Variants in KCNT2 observed in about 807,000 individuals in gnomAD.
KCNT2 encodes the protein potassium channel subfamily T member 2.
A neutral mutation model predicts 153.8 loss-of-function variants in KCNT2; 67 were observed. The ratio of observed to expected loss-of-function variants is 0.44; its 90% confidence interval spans 0.36 to 0.53. The LOEUF (loss-of-function observed/expected upper bound fraction) is 0.53, where lower values mean the gene tolerates loss of function less well. Ranked by LOEUF, KCNT2 falls within the 20% of genes least tolerant of loss-of-function variation. KCNT2 has a pLI of 0.00. For synonymous variants in KCNT2, 500 were observed against 458.8 expected, an observed-to-expected ratio of 1.09 and a Z score of -1.15; for missense variants, 975 against 1,354.8, an observed-to-expected ratio of 0.72 and a Z score of 4.40.
intron 12 of KCNT2, 80 bp downstream of exon 12, chr1:196,422,970 C>A (rs927708331): frequency 1.5e-5 from 13 of 866,050 alleles, no homozygotes; most frequent in Admixed American, 1.5e-4. Context: ...TTAATGCTGG[C>A]GAATTTTTAA....
intron 1 of KCNT2, among the ~76,000 whole-genome samples, chr1:196,566,009 A>G (rs1441025623): frequency 6.6e-6 from 1 of 151,984 alleles, no homozygotes; most frequent in Non-Finnish European, 1.5e-5. Context: ...ATGAGATTAT[A>G]TATGCTAATT....
chr1:196,250,638 A>T (rs1290256264), intron 26 of KCNT2, among the ~76,000 whole-genome samples: 9 of 152,158 alleles, frequency 5.9e-5, no homozygotes, highest in Admixed American at 3.3e-4. Flanking sequence ...ACATCAAGTT[A>T]AAAAGCTTAT....
chr1:196,410,073 C>T (rs926337008), intron 12 of KCNT2, among the ~76,000 whole-genome samples: 2 of 151,610 alleles, frequency 1.3e-5, no homozygotes, highest in African/African-American at 2.4e-5. Context: ...AAACGTGATA[C>T]TTGTTGGCCA....
At chr1:196,530,629 T>C (rs1654814048) in intron 1 of KCNT2, among the ~76,000 whole-genome samples, 1 of 152,112 alleles carries the variant, frequency 6.6e-6, no homozygotes, top group Non-Finnish European at 1.5e-5. Context: ...AATTATGTTG[T>C]GTTTTTTGAA....
chr1:196,437,923 A>T (rs1449490128), intron 8 of KCNT2, among the ~76,000 whole-genome samples: 1 of 151,536 alleles, frequency 6.6e-6, no homozygotes, highest in African/African-American at 2.4e-5. Flanking sequence ...AGCCTCTAGA[A>T]TCTAAAGTGA....
intron 1 of KCNT2, among the ~76,000 whole-genome samples, chr1:196,566,169 C>G (rs935728780): frequency 6.6e-6 from 1 of 151,810 alleles, no homozygotes; most frequent in African/African-American, 2.4e-5. Flanking sequence ...CACTAAAGAT[C>G]CTTTATTGCC....
intron 8 of KCNT2, 98 bp downstream of exon 8, chr1:196,465,195 T>C (rs1677499860): frequency 1.5e-6 from 1 of 652,464 alleles, no homozygotes; most frequent in Non-Finnish European, 2.6e-6. Context: ...TTTATTTATT[T>C]ATTGACAACT....
At chr1:196,257,757 T>A (rs1469045411) in intron 26 of KCNT2, 1 of 983,712 alleles carries the variant, frequency 1.0e-6, no homozygotes, top group African/African-American at 1.7e-5. Context: ...CTAAACCACA[T>A]ACACTAAACA....
intron 10 of KCNT2, among the ~76,000 whole-genome samples, chr1:196,426,375 C>T (rs532598001): frequency 6.6e-6 from 1 of 152,042 alleles, no homozygotes; most frequent in South Asian, 2.1e-4. Context: ...TACTTCATTA[C>T]TTTTAGGATC....
intron 14 of KCNT2, among the ~76,000 whole-genome samples, chr1:196,369,749 A>G (rs1347952959): frequency 6.6e-6 from 1 of 152,022 alleles, no homozygotes; most frequent in Non-Finnish European, 1.5e-5. Flanking sequence ...GGTTGGTTCC[A>G]AGTCTTTGCT....
At chr1:196,272,237 A>G (rs1024344540) in intron 25 of KCNT2, among the ~76,000 whole-genome samples, 2 of 150,962 alleles carry the variant, frequency 1.3e-5, no homozygotes, top group African/African-American at 4.9e-5. Flanking sequence ...ATCCAGCAAT[A>G]AAAATTTTTA....
At chr1:196,568,606 A>G (rs1248215704) in intron 1 of KCNT2, among the ~76,000 whole-genome samples, 8 of 151,158 alleles carry the variant, frequency 5.3e-5, no homozygotes, top group African/African-American at 1.2e-4. Flanking sequence ...AAAAAAAAAA[A>G]AAAAGAAAAG....
chr1:196,256,125 C>A (rs1255315452), intron 26 of KCNT2, among the ~76,000 whole-genome samples: 1 of 151,914 alleles, frequency 6.6e-6, no homozygotes, highest in Non-Finnish European at 1.5e-5. Flanking sequence ...TGGAACTTAT[C>A]TCCATATTTT....
chr1:196,267,748 A>G (rs1390057118), intron 25 of KCNT2, among the ~76,000 whole-genome samples: 1 of 152,144 alleles, frequency 6.6e-6, no homozygotes, highest in Non-Finnish European at 1.5e-5. Flanking sequence ...CTGTGCACTC[A>G]GTGGTCCACT....
intron 21 of KCNT2, among the ~76,000 whole-genome samples, chr1:196,308,620 A>G (rs1400252905): frequency 6.6e-6 from 1 of 152,026 alleles, no homozygotes; most frequent in East Asian, 1.9e-4. Context: ...AAACTACTCT[A>G]TGATTTACCT....
chr1:196,591,310 C>T (rs1299081206), intron 1 of KCNT2, among the ~76,000 whole-genome samples: 1 of 152,050 alleles, frequency 6.6e-6, no homozygotes, highest in Non-Finnish European at 1.5e-5. Flanking sequence ...CTTCCTGAGG[C>T]CCTCCCCAGA....
chr1:196,512,364 C>A (rs1681701461), intron 1 of KCNT2, among the ~76,000 whole-genome samples: 1 of 152,118 alleles, frequency 6.6e-6, no homozygotes, highest in Non-Finnish European at 1.5e-5. Flanking sequence ...TCCCCAAACT[C>A]ATATATTAAT....
At chr1:196,441,652 G>C (rs1675238484) in intron 8 of KCNT2, among the ~76,000 whole-genome samples, 3 of 151,320 alleles carry the variant, frequency 2.0e-5, no homozygotes, top group African/African-American at 7.3e-5. Context: ...CATCATTAAT[G>C]ATTTAAAAAA....
chr1:196,261,966 TC>T (rs567040116), intron 25 of KCNT2, among the ~76,000 whole-genome samples: 364 of 151,946 alleles, frequency 2.4e-3, no homozygotes, highest in Non-Finnish European at 4.1e-3. Flanking sequence ...TCCAACAATT[TC>T]CATACAAATT....
Sources: allele counts gnomAD v4.1 joint callset (sites outside exome capture counted in the v4.1 genomes callset), GRCh38; gene constraint gnomAD v4.1.1; transcripts MANE v1.5; gene names NCBI Gene and HGNC (gene_info 2026-07-23, HGNC 2026-07-21).